The following ATOSB variants were observed in gnomAD, a reference collection of about 807,000 sequenced individuals.
The protein encoded by ATOSB is atos homolog protein B.
At chr9:35,106,514 A>G in the ATOSB span, 1 of 1,591,656 alleles carries the variant, frequency 6.3e-7, no homozygotes, top group South Asian at 1.1e-5. The surrounding 1 kb of genome is among the most constrained non-coding windows in gnomAD (Gnocchi z 4.6). Context: ...GACCCCGGCA[A>G]TCACAAACCC....
At chr9:35,109,118 T>C in the ATOSB span, 1 of 152,116 alleles carries the variant, frequency 6.6e-6, no homozygotes, top group Non-Finnish European at 1.5e-5. Flanking sequence ...GCCACCAAAT[T>C]GCACAACTCC....
the ATOSB span, chr9:35,108,634 TC>T: frequency 9.6e-7 from 1 of 1,044,038 alleles, no homozygotes; most frequent in Non-Finnish European, 1.2e-6. Flanking sequence ...CGTCCCCTCT[TC>T]CCAACTGATG....
At chr9:35,113,590 C>T in the ATOSB span, among the ~76,000 whole-genome samples, 1 of 152,004 alleles carries the variant, frequency 6.6e-6, no homozygotes, top group Non-Finnish European at 1.5e-5. Context: ...CACCACTGCA[C>T]TCCAGCCTGG....
the ATOSB span, chr9:35,106,194 C>G: frequency 1.2e-6 from 2 of 1,606,452 alleles, no homozygotes; most frequent in Non-Finnish European, 1.7e-6. This position sits in a 1 kb window ranked among gnomAD's most constrained non-coding sequence, Gnocchi z 4.6. Context: ...CCCCTGGCCC[C>G]GCCCCCAAAT....
At chr9:35,107,951 C>T in the ATOSB span, 5 of 1,605,380 alleles carry the variant, frequency 3.1e-6, no homozygotes, top group East Asian at 2.2e-5. Context: ...CTAGTCCCAG[C>T]CCCGGTCCCT....
chr9:35,106,423 T>C, the ATOSB span: 2 of 1,613,932 alleles, frequency 1.2e-6, no homozygotes, highest in Non-Finnish European at 1.7e-6. This position sits in a 1 kb window ranked among gnomAD's most constrained non-coding sequence, Gnocchi z 4.6. Flanking sequence ...GGGATTAGGG[T>C]AGGGAAAACA....
the ATOSB span, chr9:35,105,481 C>T: frequency 7.2e-7 from 1 of 1,385,158 alleles, no homozygotes; most frequent in African/African-American, 1.4e-5. The surrounding 1 kb of genome is among the most constrained non-coding windows in gnomAD (Gnocchi z 5.5). Context: ...TGCTTGAGCC[C>T]AGGAGTTGGA....
At chr9:35,112,522 A>G in the ATOSB span, 4 of 152,404 alleles carry the variant, frequency 2.6e-5, no homozygotes, top group Admixed American at 2.6e-4. Context: ...AAATGGCAGC[A>G]GAACCGGCAT....
At chr9:35,106,628 G>T in the ATOSB span, 3 of 1,553,676 alleles carry the variant, frequency 1.9e-6, no homozygotes, top group Non-Finnish European at 2.6e-6. The surrounding 1 kb of genome is among the most constrained non-coding windows in gnomAD (Gnocchi z 4.6). Flanking sequence ...CCTTCCGGAG[G>T]CTTCGAAGGG....
chr9:35,105,505 A>G, the ATOSB span: 1 of 1,194,736 alleles, frequency 8.4e-7, no homozygotes, highest in Non-Finnish European at 1.2e-6. This position sits in a 1 kb window ranked among gnomAD's most constrained non-coding sequence, Gnocchi z 5.5. Context: ...CAGCCTAAGC[A>G]ACATAGCGAG....
At chr9:35,106,123 G>A in the ATOSB span, 1 of 1,509,578 alleles carries the variant, frequency 6.6e-7, no homozygotes, top group Non-Finnish European at 9.0e-7. This position sits in a 1 kb window ranked among gnomAD's most constrained non-coding sequence, Gnocchi z 4.6. Flanking sequence ...CTACAGTAGA[G>A]TTCTCCTCAC....
the ATOSB span, chr9:35,107,477 C>T: frequency 6.2e-7 from 1 of 1,610,208 alleles, no homozygotes; most frequent in Non-Finnish European, 8.5e-7. Flanking sequence ...CCAGGGATCC[C>T]CGGCGCCTCC....
At chr9:35,110,004 A>G in the ATOSB span, 1 of 151,852 alleles carries the variant, frequency 6.6e-6, no homozygotes, top group South Asian at 2.1e-4. Context: ...AGAAGCAGAG[A>G]GATTAATTGT....
chr9:35,107,343 A>AATT, the ATOSB span: 7 of 1,531,258 alleles, frequency 4.6e-6, no homozygotes, highest in South Asian at 1.2e-5. Flanking sequence ...AAAAAAAAAA[A>AATT]GTAAAAAAAG....
At chr9:35,114,859 T>C in the ATOSB span, among the ~76,000 whole-genome samples, 2 of 152,104 alleles carry the variant, frequency 1.3e-5, no homozygotes, top group African/African-American at 4.8e-5. Context: ...CTTGGGGATC[T>C]ATGCGAGAGA....
At chr9:35,107,914 G>A in the ATOSB span, 7 of 1,597,940 alleles carry the variant, frequency 4.4e-6, no homozygotes, top group African/African-American at 1.3e-5. Flanking sequence ...CAGAGGCCAC[G>A]GTGGGAGAAA....
At chr9:35,109,642 T>C in the ATOSB span, 1 of 152,246 alleles carries the variant, frequency 6.6e-6, no homozygotes, top group Non-Finnish European at 1.5e-5. Flanking sequence ...CTTCAAGAAG[T>C]GCCCTTTGAA....
At chr9:35,112,930 G>C in the ATOSB span, among the ~76,000 whole-genome samples, 1 of 152,098 alleles carries the variant, frequency 6.6e-6, no homozygotes, top group South Asian at 2.1e-4. Flanking sequence ...GGAGACACAA[G>C]CAAGTAACAG....
chr9:35,109,933 T>G, the ATOSB span: 1 of 151,994 alleles, frequency 6.6e-6, no homozygotes, highest in Non-Finnish European at 1.5e-5. Context: ...AAAAGTAGAA[T>G]GCAAGTCCCA....
Sources: gnomAD v4.1 joint callset for allele counts (sites outside exome capture counted in the v4.1 genomes callset) on GRCh38, gnomAD v4.1.1 for gene constraint, Gnocchi (gnomAD v3.1) non-coding constraint, MANE v1.5 for transcripts, NCBI Gene and HGNC (gene_info 2026-07-23, HGNC 2026-07-21) for gene names.